Variants in PREPL observed in about 807,000 individuals in gnomAD.
PREPL encodes the protein prolyl endopeptidase like, also known as prolyl endopeptidase-like.
A neutral mutation model predicts 70.6 loss-of-function variants in PREPL; 77 were observed. The ratio of observed to expected loss-of-function variants is 1.09; its 90% CI spans 0.91 to 1.32. PREPL has a LOEUF of 1.32. Among genes scored for constraint, PREPL ranks in the 40% most tolerant of loss-of-function variants. The pLI is 0.00. For synonymous variants in PREPL, 315 were observed against 264.8 expected (o/e 1.19, Z -1.84); for missense variants, 1,002 against 778.2 (o/e 1.29, Z -3.42).
intron 1 of PREPL, among the ~76,000 whole-genome samples, chr2:44,350,959 C>A (rs1017864858): frequency 9.1e-6 from 1 of 110,462 alleles, no homozygotes; most frequent in Non-Finnish European, 2.3e-5. Context: ...CTTCTCAACT[C>A]CCTGGCTTTT....
intron 8 of PREPL, among the ~76,000 whole-genome samples, chr2:44,331,791 G>T (rs1024624347): frequency 6.6e-5 from 10 of 152,030 alleles, no homozygotes; most frequent in Non-Finnish European, 1.3e-4. Context: ...ATGAGGGCAG[G>T]GACTGTATCA....
chr2:44,334,745 A>AT (rs1284996448), intron 7 of PREPL, among the ~76,000 whole-genome samples: 2 of 151,952 alleles, frequency 1.3e-5, no homozygotes, highest in Admixed American at 1.3e-4. Flanking sequence ...TGTATTTTAT[A>AT]TTTTTTGTAT....
At chr2:44,344,081 A>C in intron 3 of PREPL, 130 bp from the exon 4 acceptor site, 1 of 898,938 alleles carries the variant, frequency 1.1e-6, no homozygotes, top group Non-Finnish European at 1.6e-6. Context: ...TTCAACAATG[A>C]TGGCAGCTTA....
chr2:44,348,662 T>C (rs374915238), intron 1 of PREPL, among the ~76,000 whole-genome samples: 17 of 152,268 alleles, frequency 1.1e-4, no homozygotes, highest in African/African-American at 4.1e-4. Flanking sequence ...CTGTCATATA[T>C]CCAAATAAAC....
In PREPL at chr2:44,346,295, T is replaced by C; in HGVS notation, c.48A>G (p.Gln16=). 5 of 1,612,820 alleles carry C rather than the reference T, an allele frequency of 3.1e-6. No homozygotes were observed. Among genetic ancestry groups the C allele is most frequent in the Non-Finnish European group, 4.2e-6 (5 of 1,179,378 alleles). ...KVRTKLETQP[Q]EEYEIINVEV... ...CCACATTGATGATTTCATATTCTTC[T>C]TGTGGCTGTGTTTCTAATTTTGTTC... Residue 16 remains glutamine, a synonymous_variant, in exon 2 of 14, where the codon CAA becomes CAG. Coordinates refer to ENST00000409411, the MANE Select transcript of PREPL (RefSeq NM_001171613.2).
chr2:44,322,471 T>C (rs1461917455), intron 12 of PREPL, among the ~76,000 whole-genome samples: 2 of 152,216 alleles, frequency 1.3e-5, no homozygotes, highest in Non-Finnish European at 2.9e-5. Context: ...CTCCAAGTTA[T>C]ATCTGATTCT....
chr2:44,347,336 C>T (rs1189708235), intron 1 of PREPL: 1 of 150,992 alleles, frequency 6.6e-6, no homozygotes, highest in African/African-American at 2.4e-5. Context: ...GTCTCAACAA[C>T]AACAAAAAAA....
chr2:44,341,047 T>C (rs1179987878), intron 5 of PREPL, among the ~76,000 whole-genome samples: 1 of 152,206 alleles, frequency 6.6e-6, no homozygotes, highest in Non-Finnish European at 1.5e-5. Context: ...GACTTGAGTT[T>C]AATATTTTAC....
At chr2:44,334,306 G>A (rs1450643424) in intron 7 of PREPL, among the ~76,000 whole-genome samples, 2 of 152,104 alleles carry the variant, frequency 1.3e-5, no homozygotes, top group Non-Finnish European at 2.9e-5. Flanking sequence ...GCAAACTATA[G>A]TTATTTCATC....
At chr2:44,324,106 G>A (rs1361480564) in intron 10 of PREPL, among the ~76,000 whole-genome samples, 3 of 152,176 alleles carry the variant, frequency 2.0e-5, no homozygotes, top group Non-Finnish European at 1.5e-5. Context: ...CCTTAAAAAT[G>A]AATAAAATTC....
At chr2:44,361,738 C>A (rs879544224), upstream of PREPL, 4 of 434,410 alleles carry the variant, frequency 9.2e-6, no homozygotes, top group East Asian at 1.5e-4. Context: ...GGACAGCGTT[C>A]CAGTAGCCCT....
At chr2:44,351,939 G>C (rs1421658035) in intron 1 of PREPL, among the ~76,000 whole-genome samples, 2 of 152,182 alleles carry the variant, frequency 1.3e-5, no homozygotes, top group African/African-American at 4.8e-5. Context: ...AAGTCCTAAA[G>C]AATCTTGTCC....
intron 13 of PREPL, 114 bp from the exon 14 acceptor site, chr2:44,321,559 G>T: frequency 4.0e-6 from 6 of 1,507,710 alleles, no homozygotes; most frequent in East Asian, 2.4e-5. Context: ...GCAATTTATG[G>T]CAAGAATACT....
intron 7 of PREPL, among the ~76,000 whole-genome samples, chr2:44,337,849 T>C (rs1276479183): frequency 1.3e-5 from 2 of 152,180 alleles, no homozygotes; most frequent in African/African-American, 2.4e-5. Flanking sequence ...ACTCCTACAC[T>C]GAAAGAAACC....
intron 1 of PREPL, chr2:44,360,235 GATTA>G (rs1677550041): frequency 6.6e-6 from 1 of 152,296 alleles, no homozygotes; most frequent in Non-Finnish European, 1.5e-5. Context: ...GGGGAGGGAA[GATTA>G]ATTATTGTTG....
rs760040766 is a variant in PREPL at position 44,343,828 on chromosome 2, T to C, written c.266A>G (p.Asp89Gly). 15 of 1,613,862 alleles carry C rather than the reference T, an allele frequency of 9.3e-6. No homozygotes were observed. Among genetic ancestry groups the C allele is most frequent in the Admixed American group, 1.7e-5 (1 of 60,006 alleles). ...KYVAAKIRTE[D>G]SEASTCVIIK... ...AATTACACAGGTAGATGCTTCAGAA[T>C]CTTCAGTTCTTATCTTGGCAGCCAC... is the stretch of plus-strand genomic sequence containing the variant. Residue 89 changes from aspartate to glycine, a missense_variant, in exon 4 of 14, where the codon GAT (aspartate) becomes GGT (glycine). Asp to Gly is a moderately conservative substitution (Grantham distance 94, BLOSUM62 -1). Transcript: ENST00000409411.
At chr2:44,345,930 C>A (rs989470153) in intron 2 of PREPL, among the ~76,000 whole-genome samples, 2 of 151,860 alleles carry the variant, frequency 1.3e-5, no homozygotes, top group Admixed American at 1.3e-4. Context: ...TTGCTTGAGC[C>A]CAGGAGTTCA....
At chr2:44,351,967 A>C (rs925116051) in intron 1 of PREPL, among the ~76,000 whole-genome samples, 1 of 152,208 alleles carries the variant, frequency 6.6e-6, no homozygotes, top group Non-Finnish European at 1.5e-5. Context: ...TTGCTGACCT[A>C]ATCTACTGCT....
In PREPL at chr2:44,320,724, G is replaced by T; in HGVS notation, c.*632C>A. On this transcript the variant is annotated 3_prime_UTR_variant, in exon 14 of 14. Transcript: ENST00000409411. ...AGCTTCATGTACAGCATGCTGCTTG[G>T]TGAACAATCATTAATTCTTCGATAT... is the stretch of plus-strand genomic sequence containing the variant. 1 of 1,028,868 alleles carries T rather than the reference G, an allele frequency of 9.7e-7. No individual in the cohort carries two copies. Among genetic ancestry groups the T allele is most frequent in the Admixed American group, 1.7e-5 (1 of 57,318 alleles). 63.7% of individuals were successfully genotyped at this position (1,028,868 alleles called of 1,614,324 possible).
Sources: gnomAD v4.1 joint callset for allele counts (sites outside exome capture counted in the v4.1 genomes callset) on GRCh38, gnomAD v4.1.1 for gene constraint, MANE v1.5 for transcripts, NCBI Gene and HGNC (gene_info 2026-07-23, HGNC 2026-07-21) for gene names.